The following BCL2 variants were observed in gnomAD, a reference collection of about 807,000 sequenced individuals.
BCL2 encodes BCL2 apoptosis regulator.
A neutral mutation model predicts 14.2 loss-of-function variants in BCL2; 1 was observed. The ratio of observed to expected loss-of-function variants is 0.07; its 90% CI spans 0.02 to 0.33. The LOEUF (loss-of-function observed/expected upper bound fraction) is 0.33, where lower values mean the gene tolerates loss of function less well. Among genes scored for constraint, BCL2 ranks in the 10% least tolerant of loss-of-function variants. The pLI, the probability that BCL2 is intolerant of heterozygous loss-of-function variation, is 0.99. For synonymous variants in BCL2, 151 were observed against 137.2 expected (o/e 1.10, Z -0.70); for missense variants, 247 against 305.9 (o/e 0.81, Z 1.44).
chr18:63,159,468 A>T (rs954094260), intron 2 of BCL2, among the ~76,000 whole-genome samples: 9 of 152,240 alleles, frequency 5.9e-5, no homozygotes, highest in Admixed American at 2.6e-4. Context: ...AGAAGCAGAG[A>T]TAACTGGGAA....
At chr18:63,224,054 T>G (rs1485541176) in intron 2 of BCL2, among the ~76,000 whole-genome samples, 1 of 151,954 alleles carries the variant, frequency 6.6e-6, no homozygotes, top group East Asian at 1.9e-4. Context: ...AACAGAATGC[T>G]TAAAAAACTA....
intron 2 of BCL2, among the ~76,000 whole-genome samples, chr18:63,135,142 G>T (rs934561492): frequency 6.6e-6 from 1 of 152,196 alleles, no homozygotes; most frequent in Non-Finnish European, 1.5e-5. Context: ...AAGGAAATTC[G>T]TGGTGGACAG....
intron 2 of BCL2, among the ~76,000 whole-genome samples, chr18:63,191,845 A>G (rs1429129605): frequency 2.0e-5 from 3 of 152,258 alleles, no homozygotes; most frequent in Non-Finnish European, 4.4e-5. Context: ...CCAATCAGAA[A>G]TAACTAAGCG....
At position 63,128,503 on chromosome 18, in the gene BCL2, T is replaced by C; in HGVS notation, c.*122A>G. Reference sequence around the variant, plus strand: ...TCTGTCTGTGTGTGTGATGTTTATATGTGTGTTATTTTTTCTTAAACAGCC... The same window carrying C: ...TCTGTCTGTGTGTGTGATGTTTATACGTGTGTTATTTTTTCTTAAACAGCC... On this transcript the variant is annotated 3_prime_UTR_variant, in exon 3 of 3. Coordinates refer to ENST00000333681, the MANE Select transcript of BCL2 (RefSeq NM_000633.3). The C allele has an allele frequency of 1.5e-6, 1 of 650,982 alleles. No individual in the cohort carries two copies. The highest frequency in any genetic ancestry group is 2.9e-6 in the Non-Finnish European group (1 of 350,374). 40.3% of individuals were successfully genotyped at this position (650,982 alleles called of 1,614,324 possible).
In BCL2 at chr18:63,208,586, G is replaced by A. The variant is rs139616225; in HGVS notation, c.586-79827C>T. Among the ~76,000 whole-genome samples the A allele has an allele frequency of 3.6e-4, 55 of 151,988 alleles. 1 individual carries two copies. In the East Asian group the frequency reaches 7.5e-3, roughly 21 times the overall value. ...TAAGTGTTTCGTGTTGGGGGATGGT[G>A]TATCTGGGGGCTGGGGGGAGTGGGG... is the stretch of plus-strand genomic sequence containing the variant. On this transcript the variant is annotated intron_variant, in intron 2 of 2. Transcript: ENST00000333681.
intron 2 of BCL2, among the ~76,000 whole-genome samples, chr18:63,169,307 TCTTCCTTCCTTCCTTCTTTCCTTTCCTTC>T (rs1568222460): frequency 0.026 from 1,911 of 73,974 alleles, 238 homozygotes; most frequent in East Asian, 0.066. Context: ...TTTCTTTCTT[TCTTCCTTCCTTCCTTCTTTCCTTTCCTTC>T]CTTTCTTTCT....
intron 2 of BCL2, among the ~76,000 whole-genome samples, chr18:63,218,770 A>G (rs1276389157): frequency 3.7e-4 from 3 of 8,098 alleles, no homozygotes; most frequent in Admixed American, 1.5e-3. Context: ...CCCTCTACTC[A>G]TCCCCATCCT....
At chr18:63,241,562 G>A (rs1365871928) in intron 2 of BCL2, among the ~76,000 whole-genome samples, 3 of 152,152 alleles carry the variant, frequency 2.0e-5, no homozygotes, top group African/African-American at 7.2e-5. Flanking sequence ...CCTGGGAAAG[G>A]GGAAGAAATG....
chr18:63,168,570 C>T (rs1915101548), intron 2 of BCL2, among the ~76,000 whole-genome samples: 2 of 152,150 alleles, frequency 1.3e-5, no homozygotes, highest in South Asian at 4.1e-4. Flanking sequence ...GGAGGCTTAT[C>T]GTCATCCATA....
intron 2 of BCL2, among the ~76,000 whole-genome samples, chr18:63,310,501 T>TCTA: frequency 6.6e-6 from 1 of 152,344 alleles, no homozygotes; most frequent in East Asian, 1.9e-4. Flanking sequence ...GGCCTCTCTG[T>TCTA]CTACTACACA....
chr18:63,146,050 T>C (rs922653490), intron 2 of BCL2, among the ~76,000 whole-genome samples: 1 of 152,130 alleles, frequency 6.6e-6, no homozygotes, highest in Non-Finnish European at 1.5e-5. Context: ...AAAATTCCCT[T>C]TATTTTTTTC....
chr18:63,239,713 C>G (rs947265163), intron 2 of BCL2, among the ~76,000 whole-genome samples: 2 of 151,234 alleles, frequency 1.3e-5, no homozygotes, highest in African/African-American at 2.4e-5. Context: ...GCACTCCAGC[C>G]TGGGAGACAG....
At chr18:63,230,129 C>T (rs548970149) in intron 2 of BCL2, among the ~76,000 whole-genome samples, 3 of 152,204 alleles carry the variant, frequency 2.0e-5, no homozygotes, top group South Asian at 4.1e-4. Flanking sequence ...GGCCACAGAA[C>T]AAATAACAAA....
chr18:63,210,191 G>C (rs984701785), intron 2 of BCL2, among the ~76,000 whole-genome samples: 1 of 152,186 alleles, frequency 6.6e-6, no homozygotes, highest in Non-Finnish European at 1.5e-5. Flanking sequence ...AAGTAAACTT[G>C]TGGGCAGTGA....
intron 2 of BCL2, among the ~76,000 whole-genome samples, chr18:63,199,935 TGCACACACACACAC>T (rs1181564827): frequency 6.6e-6 from 1 of 150,676 alleles, no homozygotes; most frequent in African/African-American, 2.4e-5. Flanking sequence ...CGCGCACACA[TGCACACACACACAC>T]GCACACACAC....
chr18:63,189,459 T>C (rs1379922580), intron 2 of BCL2, among the ~76,000 whole-genome samples: 10 of 152,162 alleles, frequency 6.6e-5, no homozygotes, highest in Non-Finnish European at 1.5e-4. Flanking sequence ...GTTCCTCTAG[T>C]TGAAGGTCCC....
chr18:63,205,410 T>A (rs1397443555), intron 2 of BCL2, among the ~76,000 whole-genome samples: 1 of 152,150 alleles, frequency 6.6e-6, no homozygotes, highest in Non-Finnish European at 1.5e-5. Flanking sequence ...GTTTGTTGAG[T>A]CAAAAAAATA....
intron 2 of BCL2, among the ~76,000 whole-genome samples, chr18:63,270,139 T>A (rs1911964343): frequency 7.2e-6 from 1 of 138,734 alleles, no homozygotes. Context: ...GTATTCATAT[T>A]GCTAGCAGAA....
At chr18:63,212,641 T>C (rs1018643246) in intron 2 of BCL2, among the ~76,000 whole-genome samples, 3 of 151,820 alleles carry the variant, frequency 2.0e-5, no homozygotes, top group African/African-American at 7.3e-5. Context: ...CTTTGGGAGA[T>C]CCAGGCGGGC....
Sources: gnomAD v4.1 joint callset for allele counts (sites outside exome capture counted in the v4.1 genomes callset) on GRCh38, gnomAD v4.1.1 for gene constraint, MANE v1.5 for transcripts, NCBI Gene and HGNC (gene_info 2026-07-23, HGNC 2026-07-21) for gene names.